The following NKAIN3 variants were observed in gnomAD, a reference collection of about 807,000 sequenced individuals.
NKAIN3 encodes the protein sodium/potassium-transporting ATPase subunit beta-1-interacting protein 3.
NKAIN3 carries 25 observed loss-of-function variants against 30.2 expected under a neutral mutation model. The ratio of observed to expected loss-of-function variants is 0.83; its 90% CI spans 0.60 to 1.16. The LOEUF is 1.16. Among genes scored for constraint, NKAIN3 ranks in the 50% most tolerant of loss-of-function variants. The pLI is 0.00. For synonymous variants in NKAIN3, 91 were observed against 89.6 expected (o/e 1.02, Z -0.09); for missense variants, 225 against 254.1 (o/e 0.89, Z 0.78).
At chr8:62,316,195 A>G (rs774961187) in intron 1 of NKAIN3, among the ~76,000 whole-genome samples, 1 of 152,268 alleles carries the variant, frequency 6.6e-6, no homozygotes, top group East Asian at 1.9e-4. Context: ...TGTCCTTTAT[A>G]AGTTACCAAG....
rs1563534964 is a variant in NKAIN3 at position 62,729,041 on chromosome 8, A to AAAAAAAAAAAT, written c.274-17881_274-17880insTAAAAAAAAAA. ...AAACAAACCAAAAAAAAAAAAAAAC[A>AAAAAAAAAAAT]AAAAAAAAAAACCTCCTGCTCTGCA... On this transcript the variant is annotated intron_variant, in intron 3 of 6. Coordinates refer to ENST00000623646, the MANE Select transcript of NKAIN3 (RefSeq NM_001304533.3). Among the ~76,000 whole-genome samples the AAAAAAAAAAAT allele has an allele frequency of 1.0e-3, 74 of 73,294 alleles. 3 individuals carry two copies. Among genetic ancestry groups the AAAAAAAAAAAT allele is most frequent in the African/African-American group, 2.9e-3 (67 of 23,148 alleles). 48.1% of individuals were successfully genotyped at this position (73,294 alleles called of 152,430 possible).
chr8:62,772,795 G>A (rs1483992279), intron 4 of NKAIN3, among the ~76,000 whole-genome samples: 1 of 151,766 alleles, frequency 6.6e-6, no homozygotes, highest in Non-Finnish European at 1.5e-5. Context: ...CAAGTAGCTG[G>A]GACTACAAAC....
intron 4 of NKAIN3, among the ~76,000 whole-genome samples, chr8:62,788,407 G>T (rs530625471): frequency 5.9e-5 from 9 of 151,686 alleles, no homozygotes; most frequent in East Asian, 2.0e-4. Context: ...TAAATTTGTT[G>T]GAGTTCATTG....
intron 1 of NKAIN3, among the ~76,000 whole-genome samples, chr8:62,386,921 GAGAGAGAGAGAGAGAGAGAGAA>G (rs1817441979): frequency 6.7e-6 from 1 of 149,476 alleles, no homozygotes; most frequent in African/African-American, 2.5e-5. Flanking sequence ...ATATGAGAGA[GAGAGAGAGAGAGAGAGAGAGAA>G]AGAGAGAGAG....
rs1379730736 is a variant in NKAIN3, at chr8:62,968,797, G to A, written c.*3390G>A. Among the ~76,000 whole-genome samples the A allele has an allele frequency of 6.6e-6, 1 of 152,152 alleles. No individual in the cohort carries two copies. The highest frequency in any genetic ancestry group is 1.5e-5 in the Non-Finnish European group (1 of 68,036). ...AAGCGTCTTCTGCTGACCTCGTGCAGCACCGCAGGAAGCTGGGATGCTTTC... is the reference window on the plus strand; with the variant it reads ...AAGCGTCTTCTGCTGACCTCGTGCAACACCGCAGGAAGCTGGGATGCTTTC... On this transcript the variant is annotated 3_prime_UTR_variant, in exon 7 of 7. Coordinates refer to ENST00000623646, the MANE Select transcript of NKAIN3 (RefSeq NM_001304533.3).
chr8:62,566,848 A>C (rs2130000801), intron 1 of NKAIN3, among the ~76,000 whole-genome samples: 1 of 152,230 alleles, frequency 6.6e-6, no homozygotes, highest in East Asian at 1.9e-4. Context: ...ACTAGACATA[A>C]CTCAAATGAT....
intron 4 of NKAIN3, among the ~76,000 whole-genome samples, chr8:62,791,141 C>CTAGATTCAAAGGATGAGAA (rs1483801525): frequency 3.3e-5 from 5 of 152,104 alleles, no homozygotes; most frequent in African/African-American, 1.2e-4. Flanking sequence ...CAAAGGCAAC[C>CTAGATTCAAAGGATGAGAA]TAGATTCAAA....
intron 4 of NKAIN3, among the ~76,000 whole-genome samples, chr8:62,756,434 T>C (rs912117598): frequency 1.3e-5 from 2 of 152,196 alleles, no homozygotes; most frequent in Non-Finnish European, 2.9e-5. Context: ...TATTCTATCA[T>C]ACATTTACTC....
intron 4 of NKAIN3, among the ~76,000 whole-genome samples, chr8:62,907,590 T>C (rs1430169611): frequency 2.0e-5 from 3 of 152,166 alleles, no homozygotes; most frequent in Admixed American, 6.5e-5. Context: ...CTTGCTGCTT[T>C]GTACAGTCCG....
chr8:62,487,340 T>C (rs1806933619), intron 1 of NKAIN3, among the ~76,000 whole-genome samples: 1 of 152,176 alleles, frequency 6.6e-6, no homozygotes, highest in African/African-American at 2.4e-5. Flanking sequence ...ATTATGAGGT[T>C]CACTCACTGG....
chr8:62,384,068 A>G (rs974842568), intron 1 of NKAIN3, among the ~76,000 whole-genome samples: 2 of 152,156 alleles, frequency 1.3e-5, no homozygotes, highest in African/African-American at 4.8e-5. Context: ...TATGGATTCC[A>G]TGGTGCTATT....
intron 3 of NKAIN3, among the ~76,000 whole-genome samples, chr8:62,609,660 AAAC>A (rs752697518): frequency 6.8e-4 from 104 of 152,300 alleles, no homozygotes; most frequent in South Asian, 6.2e-4. Context: ...CAAGAGAAAA[AAAC>A]AACAAAATAA....
At chr8:62,957,892 T>G (rs990921578) in intron 6 of NKAIN3, among the ~76,000 whole-genome samples, 1 of 151,316 alleles carries the variant, frequency 6.6e-6, no homozygotes, top group Non-Finnish European at 1.5e-5. Flanking sequence ...GATTCATCAA[T>G]TGTAACACAT....
intron 3 of NKAIN3, among the ~76,000 whole-genome samples, chr8:62,686,224 C>A (rs900664326): frequency 3.9e-5 from 6 of 152,196 alleles, no homozygotes; most frequent in Non-Finnish European, 5.9e-5. Context: ...TTGCATCGGT[C>A]TTTGTTCAGA....
At chr8:62,643,269 A>C (rs1410296106) in intron 3 of NKAIN3, among the ~76,000 whole-genome samples, 1 of 152,176 alleles carries the variant, frequency 6.6e-6, no homozygotes, top group Non-Finnish European at 1.5e-5. Flanking sequence ...AATAATGCAC[A>C]ATCAGCTAGG....
intron 1 of NKAIN3, among the ~76,000 whole-genome samples, chr8:62,524,113 G>A (rs1808232203): frequency 6.6e-6 from 1 of 151,834 alleles, no homozygotes; most frequent in Admixed American, 6.6e-5. Context: ...TTATGTTAAT[G>A]GCATTGATAA....
At chr8:62,916,208 A>G (rs945299014) in intron 4 of NKAIN3, among the ~76,000 whole-genome samples, 5 of 152,178 alleles carry the variant, frequency 3.3e-5, no homozygotes, top group Non-Finnish European at 5.9e-5. Flanking sequence ...AAATTCAGGA[A>G]AAGCATTAAT....
chr8:62,498,350 T>C (rs1807308925), intron 1 of NKAIN3, among the ~76,000 whole-genome samples: 1 of 152,098 alleles, frequency 6.6e-6, no homozygotes, highest in Non-Finnish European at 1.5e-5. Flanking sequence ...GTTTTAAATT[T>C]GATTATTAAG....
chr8:62,320,643 G>A (rs1814849776), intron 1 of NKAIN3, among the ~76,000 whole-genome samples: 1 of 152,174 alleles, frequency 6.6e-6, no homozygotes, highest in South Asian at 2.1e-4. Context: ...TTTTCTTTAA[G>A]AATGTTAAAT....
Sources: allele counts gnomAD v4.1 joint callset (sites outside exome capture counted in the v4.1 genomes callset), GRCh38; gene constraint gnomAD v4.1.1; transcripts MANE v1.5; gene names NCBI Gene and HGNC (gene_info 2026-07-23, HGNC 2026-07-21).